The following GALNT8 variants were observed in gnomAD, a reference collection of about 807,000 sequenced individuals.
The protein encoded by GALNT8 is probable polypeptide N-acetylgalactosaminyltransferase 8.
GALNT8 carries 66 observed loss-of-function variants against 62.7 expected under a neutral mutation model. The observed-to-expected ratio is 1.05, with a 90% CI of 0.86 to 1.29. The LOEUF (loss-of-function observed/expected upper bound fraction) is 1.29, where lower values mean the gene tolerates loss of function less well. Among genes scored for constraint, GALNT8 ranks in the 50% most tolerant of loss-of-function variants. GALNT8 has a pLI of 0.00. For synonymous variants in GALNT8, 288 were observed against 294.3 expected, an observed-to-expected ratio of 0.98 and a Z score of 0.22; for missense variants, 771 against 791.8, an observed-to-expected ratio of 0.97 and a Z score of 0.32.
intron 1 of GALNT8, among the ~76,000 whole-genome samples, chr12:4,724,207 A>G (rs1946184565): frequency 6.6e-6 from 1 of 151,582 alleles, no homozygotes; most frequent in African/African-American, 2.4e-5. Context: ...TAGTTGAATC[A>G]TGTAAGCTAC....
intron 10 of GALNT8, among the ~76,000 whole-genome samples, chr12:4,770,234 G>A (rs1337842338): frequency 3.3e-5 from 5 of 151,814 alleles, no homozygotes; most frequent in Non-Finnish European, 7.4e-5. Flanking sequence ...CCCGGGAGGC[G>A]GAGGTTGCAA....
intron 6 of GALNT8, among the ~76,000 whole-genome samples, chr12:4,751,410 C>G (rs527340676): frequency 6.6e-6 from 1 of 152,226 alleles, no homozygotes; most frequent in Non-Finnish European, 1.5e-5. Context: ...AAACATTCCT[C>G]TTAGTACTGT....
intron 6 of GALNT8, among the ~76,000 whole-genome samples, chr12:4,759,453 T>C (rs1946361870): frequency 7.4e-6 from 1 of 135,760 alleles, no homozygotes. Flanking sequence ...ATTGCACACC[T>C]GGCAGCTAGA....
At position 4,763,266 on chromosome 12, in the gene GALNT8, AT is replaced by A. The variant is rs771788137; in HGVS notation, c.1377del (p.Phe459LeufsTer14). 1.9e-6 allele frequency: 3 copies of A among 1,612,686 alleles called. No individual in the cohort carries two copies. Among genetic ancestry groups the A allele is most frequent in the African/African-American group, 2.7e-5 (2 of 74,866 alleles). ...TTTTATTTACAGAACTCTGGAATAG[AT>A]TTTGGAGACGTTTCTTCCAGAATGG... ...WNIPLQNSGI[D>X]FGDVSSRMAL... is the part of the protein sequence containing the mutation. On this transcript the variant is annotated frameshift_variant, in exon 8 of 11. Coordinates refer to ENST00000252318, the MANE Select transcript of GALNT8 (RefSeq NM_017417.2). LOFTEE classifies it high-confidence loss of function.
intron 6 of GALNT8, among the ~76,000 whole-genome samples, chr12:4,751,934 G>T (rs1049358554): frequency 2.3e-4 from 35 of 152,156 alleles, no homozygotes; most frequent in Admixed American, 2.3e-3. Flanking sequence ...GGATGCTCCA[G>T]TGTTGGGTGC....
chr12:4,769,056 A>T (rs773817405), intron 10 of GALNT8, among the ~76,000 whole-genome samples: 1 of 152,196 alleles, frequency 6.6e-6, no homozygotes, highest in Non-Finnish European at 1.5e-5. Context: ...GGCTAGTCAG[A>T]CACATGGACT....
chr12:4,755,467 T>G, intron 6 of GALNT8, among the ~76,000 whole-genome samples: 1 of 152,152 alleles, frequency 6.6e-6, no homozygotes, highest in Non-Finnish European at 1.5e-5. Context: ...CTACTGGGGA[T>G]GGGGGAGGGG....
At chr12:4,723,464 C>G (rs1209387840) in intron 1 of GALNT8, among the ~76,000 whole-genome samples, 2 of 152,172 alleles carry the variant, frequency 1.3e-5, no homozygotes, top group Admixed American at 1.3e-4. Context: ...ACTGTCTCAC[C>G]CATCCCCAAG....
rs543898975 is a variant in GALNT8 at position 4,748,034 on chromosome 12, A to G, written c.1173+1776A>G. Among the ~76,000 whole-genome samples the G allele has an allele frequency of 3.5e-3, 539 of 152,236 alleles. 5 individuals are homozygous for G. The highest frequency in any genetic ancestry group is 0.012 in the African/African-American group (508 of 41,542). On this transcript the variant is annotated intron_variant, in intron 6 of 10. Transcript: ENST00000252318. The stretch of plus-strand genomic sequence containing the variant: ...GTATGTCTTCTTTTGGGAAATGTCT[A>G]TTCGAATCTTTTGCCCATTTTTTGA...
chr12:4,739,325 A>T lies in GALNT8; in HGVS notation c.672A>T (p.Ser224=), dbSNP rs1451634350. 33 of 1,612,104 alleles carry T rather than the reference A, an allele frequency of 2.0e-5. No individual in the cohort carries two copies. Among genetic ancestry groups the T allele is most frequent in the Non-Finnish European group, 2.8e-5 (33 of 1,178,844 alleles). ...TCATCTTGGTGGATGATTTCAGCTCAAATGGTGAGCAACGTGATCAAAGAA... is the reference window on the plus strand; with the variant it reads ...TCATCTTGGTGGATGATTTCAGCTCTAATGGTGAGCAACGTGATCAAAGAA... ...KEIILVDDFS[S]NGELKVHLDE... Residue 224 remains serine, a synonymous_variant, in exon 3 of 11, where the codon TCA becomes TCT. Coordinates refer to ENST00000252318, the MANE Select transcript of GALNT8 (RefSeq NM_017417.2).
intron 2 of GALNT8, among the ~76,000 whole-genome samples, chr12:4,734,116 A>G (rs1376589600): frequency 2.6e-5 from 4 of 152,192 alleles, no homozygotes; most frequent in African/African-American, 9.7e-5. Context: ...ACCTCATAAT[A>G]ATACTATGAT....
chr12:4,743,960 C>G (rs1398473238), intron 3 of GALNT8, among the ~76,000 whole-genome samples: 2 of 152,176 alleles, frequency 1.3e-5, no homozygotes, highest in East Asian at 3.9e-4. Flanking sequence ...TGTAAACAAT[C>G]TAGGAATAGT....
intron 1 of GALNT8, among the ~76,000 whole-genome samples, chr12:4,722,430 T>C (rs910787879): frequency 6.6e-6 from 1 of 152,208 alleles, no homozygotes; most frequent in Non-Finnish European, 1.5e-5. Flanking sequence ...GTGATAGTTA[T>C]CAACCTGACC....
At chr12:4,723,663 C>T (rs1305405052) in intron 1 of GALNT8, among the ~76,000 whole-genome samples, 1 of 151,724 alleles carries the variant, frequency 6.6e-6, no homozygotes, top group African/African-American at 2.4e-5. Flanking sequence ...ATTTTATTCG[C>T]TCTGAAATGT....
At chr12:4,745,082 G>C (rs1260378870) in intron 4 of GALNT8, among the ~76,000 whole-genome samples, 1 of 152,292 alleles carries the variant, frequency 6.6e-6, no homozygotes, top group African/African-American at 2.4e-5. Flanking sequence ...AGAATGTGGA[G>C]AATCAGACAG....
chr12:4,744,647 C>T lies in GALNT8; in HGVS notation c.807C>T (p.Ala269=). ...CCCGCAACACTGGCTGGGAAGCTGC[C>T]ACAGCAGACGTGGTCGCCATCTTGG... ...AQARNTGWEA[A]TADVVAILDA... The change falls in exon 4 of 11, where the codon GCC becomes GCT. Residue 269 remains alanine, a synonymous_variant. Transcript: ENST00000252318. 6.2e-7 allele frequency: 1 copy of T among 1,613,788 alleles called. No individual in the cohort carries two copies. The highest frequency in any genetic ancestry group is 8.5e-7 in the Non-Finnish European group (1 of 1,179,856).
intron 6 of GALNT8, among the ~76,000 whole-genome samples, chr12:4,756,118 T>G (rs1486703802): frequency 6.6e-6 from 1 of 152,192 alleles, no homozygotes; most frequent in African/African-American, 2.4e-5. Flanking sequence ...CAGAATCAAT[T>G]TAGAAGAGAT....
intron 6 of GALNT8, among the ~76,000 whole-genome samples, chr12:4,755,992 G>A (rs1010135315): frequency 6.6e-6 from 1 of 152,152 alleles, no homozygotes; most frequent in Admixed American, 6.5e-5. Context: ...GAGGGCAAAT[G>A]GGACCATGTG....
At chr12:4,763,897 G>A in intron 8 of GALNT8, 55 bp from the exon 9 acceptor site, 1 of 901,398 alleles carries the variant, frequency 1.1e-6, no homozygotes, top group Non-Finnish European at 1.9e-6. Context: ...GGGAGGGATG[G>A]CGCCTCATTC....
Sources: allele counts gnomAD v4.1 joint callset (sites outside exome capture counted in the v4.1 genomes callset), GRCh38; gene constraint gnomAD v4.1.1; transcripts MANE v1.5; gene names NCBI Gene and HGNC (gene_info 2026-07-23, HGNC 2026-07-21).